CFAP46: variants seen among roughly 807,000 people sequenced by gnomAD.
CFAP46 encodes cilia and flagella associated protein 46, also known as cilia- and flagella-associated protein 46.
In CFAP46, 245 loss-of-function variants were observed where a neutral mutation model predicts 325.7. The ratio of observed to expected loss-of-function variants is 0.75; its 90% CI spans 0.68 to 0.84. The LOEUF is 0.84. Among genes scored for constraint, CFAP46 ranks in the 40% least tolerant of loss-of-function variants. The pLI, the probability that CFAP46 is intolerant of heterozygous loss-of-function variation, is 0.00. For missense variants in CFAP46, 3,346 were observed against 3,543.0 expected, an observed-to-expected ratio of 0.94 and a Z score of 1.41; for synonymous variants, 1,523 against 1,495.9, an observed-to-expected ratio of 1.02 and a Z score of -0.42.
At chr10:132,864,254 C>G (rs1217638223) in intron 35 of CFAP46, among the ~76,000 whole-genome samples, 2 of 139,010 alleles carry the variant, frequency 1.4e-5, no homozygotes, top group Non-Finnish European at 3.1e-5. Flanking sequence ...ACACCCGTCC[C>G]CAGTGTCTGA....
chr10:132,810,601 G>C, intron 56 of CFAP46, 112 bp from the exon 57 acceptor site: 2 of 935,204 alleles, frequency 2.1e-6, no homozygotes, highest in Non-Finnish European at 3.5e-6. Flanking sequence ...ATAAGACGCT[G>C]GCCCGCAGCG....
At chr10:132,882,901 G>A (rs1849070044) in intron 27 of CFAP46, among the ~76,000 whole-genome samples, 1 of 152,054 alleles carries the variant, frequency 6.6e-6, no homozygotes, top group African/African-American at 2.4e-5. Context: ...TCAAGGGAGA[G>A]CAGGTCATCT....
chr10:132,852,026 T>G (rs1253026097), intron 39 of CFAP46, among the ~76,000 whole-genome samples: 1 of 152,140 alleles, frequency 6.6e-6, no homozygotes, highest in African/African-American at 2.4e-5. Flanking sequence ...TACTTAGACA[T>G]TCTCAGATCC....
In CFAP46 at chr10:132,843,775, T is replaced by C. The variant is rs560228859; in HGVS notation, c.6438+2282A>G. Among the ~76,000 whole-genome samples the C allele has an allele frequency of 3.3e-5, 4 of 120,720 alleles. No homozygotes were observed. The East Asian group carries it at 1.2e-3, about 35-fold the overall frequency. The allele number at this position is 120,720 out of a possible 152,430, so 79.2% of individuals were successfully genotyped here. ...TGTGGGGCTCTGGTCTCAGTGGGTGTTCCCAGGGTGCTGTGGGGCTCTGGT... is the reference window on the plus strand; with the variant it reads ...TGTGGGGCTCTGGTCTCAGTGGGTGCTCCCAGGGTGCTGTGGGGCTCTGGT... On this transcript the variant is annotated intron_variant, in intron 44 of 57. Transcript: ENST00000368586.
rs746460698 is a variant in CFAP46, at chr10:132,851,291, G to A, written c.5589C>T (p.Asn1863=). The A allele has an allele frequency of 6.2e-7, 1 of 1,613,630 alleles. No homozygotes were observed. The highest frequency in any genetic ancestry group is 1.3e-5 in the African/African-American group (1 of 74,944). ...LLSLQDLQNV[N]TPLMRKLARL... ...GCGCCAGCTTCCTCATCAGGGGCGT[G>A]TTGACGTTCTGCAACTGAGGGGGTC... The change falls in exon 40 of 58, where the codon AAC becomes AAT. Residue 1863 remains asparagine (N), a synonymous_variant. Coordinates refer to ENST00000368586, the MANE Select transcript of CFAP46 (RefSeq NM_001200049.3).
chr10:132,837,040 G>A (rs772202381), intron 44 of CFAP46, 126 bp from the exon 45 acceptor site: 10 of 716,314 alleles, frequency 1.4e-5, no homozygotes, highest in African/African-American at 7.1e-5. Flanking sequence ...CTTCCTGCCC[G>A]AGGCTGGGCC....
At chr10:132,866,319 G>T in intron 34 of CFAP46, 148 bp from the exon 35 acceptor site, 2 of 823,364 alleles carry the variant, frequency 2.4e-6, no homozygotes, top group Non-Finnish European at 3.4e-6. Flanking sequence ...CACCATGGGC[G>T]CCTCGCAAGC....
At chr10:132,863,041 G>A (rs983574054) in intron 35 of CFAP46, among the ~76,000 whole-genome samples, 7 of 152,136 alleles carry the variant, frequency 4.6e-5, no homozygotes, top group South Asian at 4.1e-4. Flanking sequence ...GCAAAACAGC[G>A]GCTGCAGGAA....
chr10:132,853,694 T>C (rs1484331480), intron 39 of CFAP46, among the ~76,000 whole-genome samples: 3 of 150,924 alleles, frequency 2.0e-5, no homozygotes, highest in African/African-American at 7.5e-5. Flanking sequence ...AAATTTAAAA[T>C]ATATAGGGCT....
chr10:132,845,406 C>T (rs920718237), intron 44 of CFAP46, among the ~76,000 whole-genome samples: 4 of 152,156 alleles, frequency 2.6e-5, no homozygotes, highest in African/African-American at 4.8e-5. Context: ...ATGCTGCCCC[C>T]GCCCCACCCT....
intron 24 of CFAP46, among the ~76,000 whole-genome samples, chr10:132,895,573 T>C (rs1185814986): frequency 1.3e-5 from 2 of 152,112 alleles, no homozygotes; most frequent in Non-Finnish European, 2.9e-5. Context: ...GAGAAAATTC[T>C]TACAAATCCA....
At position 132,869,890 on chromosome 10, in the gene CFAP46, G is replaced by A. The variant is rs1176914131; in HGVS notation, c.4512-518C>T. Among the ~76,000 whole-genome samples, 1 of 152,156 alleles carries A rather than the reference G, an allele frequency of 6.6e-6. No individual in the cohort carries two copies. On this transcript the variant is annotated intron_variant, in intron 32 of 57. Coordinates refer to ENST00000368586, the MANE Select transcript of CFAP46 (RefSeq NM_001200049.3). This position sits in a 1 kb window ranked among gnomAD's most constrained non-coding sequence, Gnocchi z 6.2. ...GATGCAACTTGCAGCCTTTCTCCCG[G>A]ATCCTTCAGGGCACAGGCGCCTCCA...
At chr10:132,853,143 G>T (rs1210524953) in intron 39 of CFAP46, among the ~76,000 whole-genome samples, 1 of 152,156 alleles carries the variant, frequency 6.6e-6, no homozygotes, top group Non-Finnish European at 1.5e-5. Flanking sequence ...ATCGAAAGGG[G>T]GCATCAGTCT....
At chr10:132,809,645 T>A (rs996771502) in intron 57 of CFAP46, among the ~76,000 whole-genome samples, 1 of 152,120 alleles carries the variant, frequency 6.6e-6, no homozygotes, top group African/African-American at 2.4e-5. Context: ...GCTGAGCGCC[T>A]CAACTCAGGG....
At chr10:132,855,173 TTTATC>T (rs1564779792) in intron 39 of CFAP46, among the ~76,000 whole-genome samples, 1 of 128,844 alleles carries the variant, frequency 7.8e-6, no homozygotes. Flanking sequence ...GCAATTTTAT[TTTATC>T]AGTTTTTGCT....
Position 132,817,769 on chromosome 10 carries a change from G to T in CFAP46, c.7118-2855C>A, listed in dbSNP as rs922559541. 4.6e-5 allele frequency among the ~76,000 whole-genome samples: 7 copies of T among 152,356 alleles called. No individual in the cohort carries two copies. The highest frequency in any genetic ancestry group is 3.3e-4 in the Admixed American group (5 of 15,310). On this transcript the variant is annotated intron_variant, in intron 50 of 57. Coordinates refer to ENST00000368586, the MANE Select transcript of CFAP46 (RefSeq NM_001200049.3). This position sits in a 1 kb window ranked among gnomAD's most constrained non-coding sequence, Gnocchi z 4.4. ...GGTTCTGTTAGTTTGTGTGGCTGCT[G>T]TTAACCAATTACTACAAAACGCAGG...
chr10:132,849,527 A>T (rs1201278066), intron 41 of CFAP46, among the ~76,000 whole-genome samples: 1 of 152,162 alleles, frequency 6.6e-6, no homozygotes, highest in Non-Finnish European at 1.5e-5. Flanking sequence ...TGGCATCTGC[A>T]CAAGTGTTTA....
chr10:132,887,588 TCCTCTCCCTTCTTCTCTC>T, intron 25 of CFAP46, among the ~76,000 whole-genome samples: 2 of 14,488 alleles, frequency 1.4e-4, no homozygotes, highest in Non-Finnish European at 1.2e-4. Context: ...CCCTCTTCTC[TCCTCTCCCTTCTTCTCTC>T]CTCTCCTCTC....
chr10:132,919,203 G>C lies in CFAP46; in HGVS notation c.1858+112C>G, dbSNP rs906064838. The C allele has an allele frequency of 8.8e-7, 1 of 1,138,284 alleles. No homozygotes were observed. 70.5% of individuals were successfully genotyped at this position (1,138,284 alleles called of 1,614,324 possible). A position where few individuals can be genotyped will look rare whatever the true frequency, so the allele number is the denominator to read the frequency against. On this transcript the variant is annotated intron_variant, in intron 15 of 57. Transcript: ENST00000368586. This position sits in a 1 kb window ranked among gnomAD's most constrained non-coding sequence, Gnocchi z 9.7. Reference sequence around the variant, plus strand: ...TGCTACCATTGTGACTTAGCAATACGCTTTCTCATGCGAAGGCCCCATGGG... The same window carrying C: ...TGCTACCATTGTGACTTAGCAATACCCTTTCTCATGCGAAGGCCCCATGGG...
Sources: allele counts gnomAD v4.1 joint callset (sites outside exome capture counted in the v4.1 genomes callset), GRCh38; gene constraint gnomAD v4.1.1; non-coding constraint Gnocchi (gnomAD v3.1); transcripts MANE v1.5; gene names NCBI Gene and HGNC (gene_info 2026-07-23, HGNC 2026-07-21).